Variants in KSR2 observed in about 807,000 individuals in gnomAD.
The protein encoded by KSR2 is kinase suppressor of ras 2.
Under a neutral mutation model 107.8 loss-of-function variants are expected in KSR2, and 25 were observed. The observed-to-expected ratio is 0.23, with a 90% CI of 0.17 to 0.32. The LOEUF (loss-of-function observed/expected upper bound fraction) is 0.32, where lower values mean the gene tolerates loss of function less well. Ranked by LOEUF, KSR2 falls within the 10% of genes least tolerant of loss-of-function variation. KSR2 has a pLI of 1.00. For synonymous variants in KSR2, 480 were observed against 507.0 expected, an observed-to-expected ratio of 0.95 and a Z score of 0.71; for missense variants, 887 against 1,268.9, an observed-to-expected ratio of 0.70 and a Z score of 4.57.
In KSR2 at chr12:117,761,448, G is replaced by A. The variant is rs751000871; in HGVS notation, c.549C>T (p.Cys183=). The change falls in exon 4 of 20, where the codon TGC becomes TGT. Residue 183 remains cysteine, a synonymous_variant. Coordinates refer to ENST00000339824, the MANE Select transcript of KSR2 (RefSeq NM_173598.6). ...TETGKENNPV[C]PPEPTPWIRT... Reference sequence around the variant, plus strand: ...GGATCCACGGGGTGGGCTCCGGGGGGCACACGGGATTGTTCTCCTTCCCCG... The same window carrying A: ...GGATCCACGGGGTGGGCTCCGGGGGACACACGGGATTGTTCTCCTTCCCCG... 6.8e-6 allele frequency: 11 copies of A among 1,612,840 alleles called. No homozygotes were observed. Among genetic ancestry groups the A allele is most frequent in the South Asian group, 1.1e-5 (1 of 91,058 alleles).
intron 1 of KSR2, among the ~76,000 whole-genome samples, chr12:117,918,641 A>C (rs2057280064): frequency 6.6e-6 from 1 of 151,308 alleles, no homozygotes; most frequent in African/African-American, 2.4e-5. Context: ...ATACAAAACT[A>C]TCCGGGCGTG....
chr12:117,869,404 C>T (rs970375762), intron 1 of KSR2, among the ~76,000 whole-genome samples: 1 of 152,120 alleles, frequency 6.6e-6, no homozygotes, highest in Non-Finnish European at 1.5e-5. Context: ...TTGAGCATTT[C>T]AGATAAGGCC....
chr12:117,790,332 G>T (rs953550079), intron 3 of KSR2, among the ~76,000 whole-genome samples: 5 of 152,118 alleles, frequency 3.3e-5, no homozygotes, highest in African/African-American at 1.2e-4. Context: ...CAGAAAGGTG[G>T]GACAACTAGA....
In KSR2 at chr12:117,524,195, C is replaced by T. The variant is rs139487362; in HGVS notation, c.2219+657G>A. ...AAAATATTTACTATTGGGCCCCTTA[C>T]AAAAAAAAGTTGGCTGACTCCTGAT... On this transcript the variant is annotated intron_variant, in intron 14 of 19. Coordinates refer to ENST00000339824, the MANE Select transcript of KSR2 (RefSeq NM_173598.6). 5.3e-3 allele frequency among the ~76,000 whole-genome samples: 802 copies of T among 151,774 alleles called. 11 individuals are homozygous for T. The highest frequency in any genetic ancestry group is 0.019 in the African/African-American group (781 of 41,406).
chr12:117,919,998 T>C (rs1895292319), intron 1 of KSR2, among the ~76,000 whole-genome samples: 1 of 152,214 alleles, frequency 6.6e-6, no homozygotes, highest in African/African-American at 2.4e-5. Context: ...CTAACAATTA[T>C]AAACATATAT....
intron 5 of KSR2, among the ~76,000 whole-genome samples, chr12:117,666,692 G>T (rs1754878830): frequency 6.6e-6 from 1 of 152,210 alleles, no homozygotes; most frequent in Admixed American, 6.5e-5. Context: ...GCCTGTGGCT[G>T]AATTAAGGGC....
chr12:117,679,978 A>G (rs913154746), intron 4 of KSR2, among the ~76,000 whole-genome samples: 1 of 152,210 alleles, frequency 6.6e-6, no homozygotes, highest in Non-Finnish European at 1.5e-5. Context: ...CATAACCCCA[A>G]GCTGAAATAT....
rs1892517731 is a variant in KSR2, at chr12:117,842,206, G to T, written c.472+13222C>A. On this transcript the variant is annotated intron_variant, in intron 3 of 19. Coordinates refer to ENST00000339824, the MANE Select transcript of KSR2 (RefSeq NM_173598.6). The surrounding 1 kb of genome is among the most constrained non-coding windows in gnomAD (Gnocchi z 4.2). ...AGCACCACTGTTCTTGTGGAAAGGG[G>T]TATGAAAATAAACAAAATCATTTTA... Among the ~76,000 whole-genome samples, 1 of 152,204 alleles carries T rather than the reference G, an allele frequency of 6.6e-6. No homozygotes were observed.
chr12:117,786,937 G>A (rs1230941145), intron 3 of KSR2, among the ~76,000 whole-genome samples: 1 of 152,064 alleles, frequency 6.6e-6, no homozygotes, highest in Non-Finnish European at 1.5e-5. Flanking sequence ...GCTGAGGCAG[G>A]AGAATCGCTT....
chr12:117,803,532 C>T (rs1807292947), intron 3 of KSR2, among the ~76,000 whole-genome samples: 1 of 152,154 alleles, frequency 6.6e-6, no homozygotes, highest in South Asian at 2.1e-4. Flanking sequence ...GAAACCCCGT[C>T]TCTACTAAAA....
At chr12:117,727,966 G>A (rs1044320848) in intron 4 of KSR2, among the ~76,000 whole-genome samples, 1 of 152,138 alleles carries the variant, frequency 6.6e-6, no homozygotes, top group Non-Finnish European at 1.5e-5. Flanking sequence ...ATACAAAAGG[G>A]TACACACTAT....
At chr12:117,834,154 A>C (rs1892100634) in intron 3 of KSR2, among the ~76,000 whole-genome samples, 1 of 151,678 alleles carries the variant, frequency 6.6e-6, no homozygotes. Context: ...AAAAATAAAA[A>C]AAAAAAACAG....
intron 16 of KSR2, among the ~76,000 whole-genome samples, chr12:117,477,381 T>C (rs1205183422): frequency 6.6e-6 from 1 of 152,196 alleles, no homozygotes; most frequent in African/African-American, 2.4e-5. Context: ...ATAATGATAA[T>C]CTACTGTGTT....
At chr12:117,519,469 C>T (rs1487577932) in intron 14 of KSR2, among the ~76,000 whole-genome samples, 1 of 152,040 alleles carries the variant, frequency 6.6e-6, no homozygotes, top group East Asian at 1.9e-4. Context: ...ACATTTCTAA[C>T]AAGTTCACAG....
At position 117,539,840 on chromosome 12, in the gene KSR2, G is replaced by A. The variant is rs772309831; in HGVS notation, c.1566C>T (p.Ser522=). 3.1e-5 allele frequency: 50 copies of A among 1,610,750 alleles called. No individual in the cohort carries two copies. Among genetic ancestry groups the A allele is most frequent in the Non-Finnish European group, 4.1e-5 (48 of 1,178,772 alleles). Residue 522 remains serine (S), a synonymous_variant, in exon 10 of 20, where the codon TCC becomes TCT. Coordinates refer to ENST00000339824, the MANE Select transcript of KSR2 (RefSeq NM_173598.6). ...AGGAGGGCGTGGAGGACGTCGTGGA[G>A]GAGGGGTTGCTGCTGGAGTCTGGCT... is the stretch of plus-strand genomic sequence containing the variant. ...PYQPDSSSNP[S]STTSSTPSSP... is the part of the protein sequence containing the mutation.
chr12:117,763,057 C>T (rs768856005), intron 3 of KSR2, among the ~76,000 whole-genome samples: 2 of 151,834 alleles, frequency 1.3e-5, no homozygotes, highest in Non-Finnish European at 2.9e-5. Context: ...GACCCCACAA[C>T]AGTCCCCAGA....
chr12:117,660,446 G>T (rs1465617206), intron 5 of KSR2, among the ~76,000 whole-genome samples: 3 of 152,136 alleles, frequency 2.0e-5, no homozygotes, highest in African/African-American at 7.2e-5. Flanking sequence ...AGACTCATCA[G>T]TCCAATCTCT....
intron 14 of KSR2, among the ~76,000 whole-genome samples, chr12:117,507,417 C>A (rs1435887997): frequency 6.6e-6 from 1 of 152,206 alleles, no homozygotes; most frequent in African/African-American, 2.4e-5. Context: ...CCCCAAAGGA[C>A]ATTCATTCTT....
At chr12:117,923,660 A>AATAT (rs112555451) in intron 1 of KSR2, among the ~76,000 whole-genome samples, 1 of 151,460 alleles carries the variant, frequency 6.6e-6, no homozygotes, top group Non-Finnish European at 1.5e-5. Flanking sequence ...ACTGTCTTAA[A>AATAT]ATATATATGT....
Sources: gnomAD v4.1 joint callset for allele counts (sites outside exome capture counted in the v4.1 genomes callset) on GRCh38, gnomAD v4.1.1 for gene constraint, Gnocchi (gnomAD v3.1) non-coding constraint, MANE v1.5 for transcripts, NCBI Gene and HGNC (gene_info 2026-07-23, HGNC 2026-07-21) for gene names.